Variants in KDSR observed in about 807,000 individuals in gnomAD.
KDSR encodes the protein 3-ketodihydrosphingosine reductase, also known as 3-dehydrosphinganine reductase.
KDSR carries 23 observed loss-of-function variants against 41.3 expected under a neutral mutation model. The observed-to-expected ratio is 0.56, with a 90% CI of 0.40 to 0.79. The LOEUF (loss-of-function observed/expected upper bound fraction) is 0.79, where lower values mean the gene tolerates loss of function less well. Ranked by LOEUF, KDSR falls within the 30% of genes least tolerant of loss-of-function variation. KDSR has a pLI of 0.00. For synonymous variants in KDSR, 138 were observed against 151.7 expected, an observed-to-expected ratio of 0.91 and a Z score of 0.66; for missense variants, 351 against 416.8, an observed-to-expected ratio of 0.84 and a Z score of 1.37.
chr18:63,352,871 T>C (rs899262936), intron 5 of KDSR, among the ~76,000 whole-genome samples: 2 of 151,626 alleles, frequency 1.3e-5, no homozygotes, highest in Non-Finnish European at 2.9e-5. Context: ...GTTTTGATAA[T>C]AAAAAATGTT....
chr18:63,342,688 C>G (rs1914376912), intron 7 of KDSR, among the ~76,000 whole-genome samples: 1 of 149,296 alleles, frequency 6.7e-6, no homozygotes. Flanking sequence ...GAATGGGGAA[C>G]AGATATGAGT....
At chr18:63,352,059 C>G (rs1325674095) in intron 5 of KDSR, among the ~76,000 whole-genome samples, 2 of 152,216 alleles carry the variant, frequency 1.3e-5, no homozygotes, top group African/African-American at 4.8e-5. Context: ...GATGGGATTA[C>G]AGGCATGAGC....
intron 9 of KDSR, among the ~76,000 whole-genome samples, chr18:63,333,473 C>T (rs111986062): frequency 6.6e-6 from 1 of 152,170 alleles, no homozygotes; most frequent in Admixed American, 6.5e-5. Context: ...TTAGAAACAA[C>T]TGGTGTGGAA....
At chr18:63,335,022 T>C (rs928689918) in intron 9 of KDSR, among the ~76,000 whole-genome samples, 1 of 152,240 alleles carries the variant, frequency 6.6e-6, no homozygotes, top group African/African-American at 2.4e-5. Context: ...TTTATTTCTC[T>C]ATCTGCAAGG....
chr18:63,334,641 G>A lies in KDSR; in HGVS notation c.879+616C>T, dbSNP rs553380860. ...TGGGATTACAGGCGTGAGCCACCGC[G>A]CCCGGACTACTATCACCTTTTTGGT... On this transcript the variant is annotated intron_variant, in intron 9 of 9. Coordinates refer to ENST00000645214, the MANE Select transcript of KDSR (RefSeq NM_002035.4). Among the ~76,000 whole-genome samples the A allele has an allele frequency of 5.6e-4, 85 of 152,250 alleles. No homozygotes were observed. In the East Asian group the frequency reaches 0.015, roughly 28 times the overall value.
chr18:63,343,385 A>G (rs1914402218), intron 7 of KDSR, among the ~76,000 whole-genome samples: 1 of 149,298 alleles, frequency 6.7e-6, no homozygotes, highest in East Asian at 2.0e-4. Flanking sequence ...TTTATTTTTA[A>G]TTTTAATTTT....
In KDSR at chr18:63,328,805, T is replaced by G; in HGVS notation, c.*2977A>C. The G allele has an allele frequency of 5.4e-6, 1 of 185,550 alleles. No individual in the cohort carries two copies. Among genetic ancestry groups the G allele is most frequent in the Non-Finnish European group, 1.1e-5 (1 of 87,604 alleles). 11.5% of individuals were successfully genotyped at this position (185,550 alleles called of 1,614,324 possible). A position where few individuals can be genotyped will look rare whatever the true frequency, so the allele number is the denominator to read the frequency against. ...GGGGATTTTTATGGCTCAATGTTAATTTTTTAATATACTTGCAAATACATT... is the reference window on the plus strand; with the variant it reads ...GGGGATTTTTATGGCTCAATGTTAAGTTTTTAATATACTTGCAAATACATT... On this transcript the variant is annotated 3_prime_UTR_variant, in exon 10 of 10. Transcript: ENST00000645214.
In KDSR at chr18:63,359,766, TTC is replaced by T. The variant is rs1213061189; in HGVS notation, c.223_224del (p.Glu75AsnfsTer2). On this transcript the variant is annotated frameshift_variant, in exon 3 of 10. Coordinates refer to ENST00000645214, the MANE Select transcript of KDSR (RefSeq NM_002035.4). LOFTEE classifies it high-confidence loss of function. Reference sequence around the variant, plus strand: ...TGTCATTAATAGAGTGCATTTCAATTTCTTTCTTTGCCTGCAGCAGCTTATCC... The same window carrying T: ...TGTCATTAATAGAGTGCATTTCAATTTTTCTTTGCCTGCAGCAGCTTATCC... Reference protein sequence around the residue: ...NEDKLLQAKKEIEMHSINDKQ... With the variant: ...NEDKLLQAKKXIEMHSINDKQ... 1.1e-5 allele frequency: 17 copies of T among 1,609,818 alleles called. No individual in the cohort carries two copies. Among genetic ancestry groups the T allele is most frequent in the Non-Finnish European group, 1.4e-5 (17 of 1,176,976 alleles).
At chr18:63,349,888 G>C (rs1914614381) in intron 6 of KDSR, among the ~76,000 whole-genome samples, 1 of 152,256 alleles carries the variant, frequency 6.6e-6, no homozygotes, top group Non-Finnish European at 1.5e-5. Flanking sequence ...TTAAGTAGCT[G>C]TATTAGGCAC....
intron 9 of KDSR, among the ~76,000 whole-genome samples, chr18:63,334,841 T>C (rs1246517055): frequency 6.6e-6 from 1 of 152,218 alleles, no homozygotes; most frequent in Non-Finnish European, 1.5e-5. Context: ...CTCACTAAAT[T>C]TAGCTGTGTG....
intron 1 of KDSR, 47 bp downstream of exon 1, chr18:63,366,964 G>C (rs780157282): frequency 2.7e-6 from 3 of 1,104,514 alleles, no homozygotes; most frequent in Non-Finnish European, 3.6e-6. Context: ...CGGCGGAAAG[G>C]CCGCGCGGGC....
chr18:63,361,044 T>TA (rs1914961661), intron 2 of KDSR, among the ~76,000 whole-genome samples: 1 of 69,940 alleles, frequency 1.4e-5, no homozygotes, highest in African/African-American at 5.1e-5. Flanking sequence ...AATAAAAATA[T>TA]ATATTTTATA....
At chr18:63,358,814 CAAAAA>C (rs10652370) in intron 3 of KDSR, among the ~76,000 whole-genome samples, 2 of 62,650 alleles carry the variant, frequency 3.2e-5, no homozygotes, top group South Asian at 8.5e-4. Flanking sequence ...GACTCTGTCT[CAAAAA>C]AAAAAAAAAA....
At chr18:63,345,911 C>T (rs1914487154) in intron 6 of KDSR, 1 of 150,586 alleles carries the variant, frequency 6.6e-6, no homozygotes, top group African/African-American at 2.4e-5. Flanking sequence ...CACTGTACTC[C>T]AGCCTGGGTG....
At chr18:63,365,470 T>C (rs1039051324) in intron 1 of KDSR, among the ~76,000 whole-genome samples, 17 of 152,326 alleles carry the variant, frequency 1.1e-4, no homozygotes, top group African/African-American at 3.6e-4. Context: ...CATGTCATTC[T>C]CACATTACTT....
chr18:63,360,406 G>A (rs752039287), intron 2 of KDSR, among the ~76,000 whole-genome samples: 2 of 152,146 alleles, frequency 1.3e-5, no homozygotes, highest in African/African-American at 2.4e-5. Flanking sequence ...TTAATTTGCT[G>A]TAAAAAGTAA....
At chr18:63,366,885 T>C (rs2144388535) in intron 1 of KDSR, 126 bp downstream of exon 1, 1 of 447,412 alleles carries the variant, frequency 2.2e-6, no homozygotes, top group African/African-American at 2.0e-5. Flanking sequence ...GCAGGTGACC[T>C]TCCCCATTTG....
At chr18:63,340,768 G>T (rs757798700) in intron 7 of KDSR, among the ~76,000 whole-genome samples, 27 of 152,192 alleles carry the variant, frequency 1.8e-4, no homozygotes, top group Non-Finnish European at 3.8e-4. Flanking sequence ...CCTCTACGAT[G>T]GCAAAAGATT....
At chr18:63,363,219 CTTT>C (rs1185123481) in intron 1 of KDSR, among the ~76,000 whole-genome samples, 20 of 111,456 alleles carry the variant, frequency 1.8e-4, no homozygotes, top group Admixed American at 1.7e-3. Context: ...TTTTTTTTTT[CTTT>C]TTTTTTTTTT....
Sources: gnomAD v4.1 joint callset for allele counts (sites outside exome capture counted in the v4.1 genomes callset) on GRCh38, gnomAD v4.1.1 for gene constraint, MANE v1.5 for transcripts, NCBI Gene and HGNC (gene_info 2026-07-23, HGNC 2026-07-21) for gene names.